The following TMOD2 variants were observed in gnomAD, a reference collection of about 807,000 sequenced individuals.
TMOD2 encodes tropomodulin 2, also known as tropomodulin-2.
Under a neutral mutation model 39.9 loss-of-function variants are expected in TMOD2, and 22 were observed. The ratio of observed to expected loss-of-function variants is 0.55; its 90% confidence interval spans 0.39 to 0.79. The LOEUF (loss-of-function observed/expected upper bound fraction) is 0.79, where lower values mean the gene tolerates loss of function less well. TMOD2 is among the 30% of genes least tolerant of loss of function. The probability of loss-of-function intolerance (pLI) is 0.00; values close to 1 mark genes in which losing one functional copy is unlikely to be tolerated. For missense variants in TMOD2, 386 were observed against 413.3 expected, an observed-to-expected ratio of 0.93 and a Z score of 0.57; for synonymous variants, 123 against 146.1, an observed-to-expected ratio of 0.84 and a Z score of 1.14.
chr15:51,757,725 A>G (rs2055752280), intron 1 of TMOD2, among the ~76,000 whole-genome samples: 1 of 152,204 alleles, frequency 6.6e-6, no homozygotes, highest in East Asian at 1.9e-4. Flanking sequence ...AACAGGACGG[A>G]AGACAAATGG....
At chr15:51,769,814 C>T (rs1347530145) in intron 3 of TMOD2, among the ~76,000 whole-genome samples, 1 of 152,122 alleles carries the variant, frequency 6.6e-6, no homozygotes, top group Non-Finnish European at 1.5e-5. Flanking sequence ...GCAGGAGGAT[C>T]ACTTGAGCCA....
intron 8 of TMOD2, among the ~76,000 whole-genome samples, chr15:51,800,166 C>T (rs1359705028): frequency 6.6e-6 from 1 of 152,220 alleles, no homozygotes; most frequent in African/African-American, 2.4e-5. Context: ...AACCTGGCAA[C>T]TCTATGCCTA....
intron 8 of TMOD2, among the ~76,000 whole-genome samples, chr15:51,800,841 G>A (rs1170576953): frequency 1.3e-5 from 2 of 152,102 alleles, no homozygotes; most frequent in Non-Finnish European, 2.9e-5. Context: ...GAGTAACTGG[G>A]ACTACAGGCA....
rs1332501660 is a variant in TMOD2, at chr15:51,786,623, C to T, written c.732+3795C>T. Among the ~76,000 whole-genome samples, 3 of 152,250 alleles carry T rather than the reference C, an allele frequency of 2.0e-5. No homozygotes were observed. In the East Asian group the frequency reaches 5.8e-4, roughly 29 times the overall value. The stretch of plus-strand genomic sequence containing the variant: ...TGAACTAAGATTACACCGCATGTGG[C>T]CAAGCCAGGATGCAAATGTAAGTCA... On this transcript the variant is annotated intron_variant, in intron 7 of 9. Coordinates refer to ENST00000249700, the MANE Select transcript of TMOD2 (RefSeq NM_014548.4).
In TMOD2 at chr15:51,809,032, A is replaced by G. The variant is rs1345231752; in HGVS notation, c.*578A>G. ...ATTGGAGATCAGTAGTGTCATCTTC[A>G]TAAAGCAAGACAACATTATGACACT... On this transcript the variant is annotated 3_prime_UTR_variant, in exon 10 of 10. Coordinates refer to ENST00000249700, the MANE Select transcript of TMOD2 (RefSeq NM_014548.4). 2.0e-5 allele frequency: 3 copies of G among 152,590 alleles called. No individual in the cohort carries two copies. The highest frequency in any genetic ancestry group is 4.4e-5 in the Non-Finnish European group (3 of 68,062). 9.5% of individuals were successfully genotyped at this position (152,590 alleles called of 1,614,324 possible). A position where few individuals can be genotyped will look rare whatever the true frequency, so the allele number is the denominator to read the frequency against.
intron 7 of TMOD2, among the ~76,000 whole-genome samples, chr15:51,797,894 AC>A (rs992555524): frequency 2.6e-4 from 40 of 151,216 alleles, no homozygotes; most frequent in African/African-American, 6.8e-4. Context: ...AAAAAAAAAA[AC>A]AGTAGTGGTT....
rs1240640104 is a variant in TMOD2, at chr15:51,776,827, C to G, written c.407-105C>G. 3 of 915,716 alleles carry G rather than the reference C, an allele frequency of 3.3e-6. No individual in the cohort carries two copies. The East Asian group carries it at 7.5e-5, about 23-fold the overall frequency. The allele number at this position is 915,716 out of a possible 1,614,324, so 56.7% of individuals were successfully genotyped here. A position where few individuals can be genotyped will look rare whatever the true frequency, so the allele number is the denominator to read the frequency against. On this transcript the variant is annotated intron_variant, in intron 4 of 9. Coordinates refer to ENST00000249700, the MANE Select transcript of TMOD2 (RefSeq NM_014548.4). ...TGTGCAAGGAAAGAGGACTCAGGGA[C>G]TTATCTTTATGATGTAAAGAATTGT... is the stretch of plus-strand genomic sequence containing the variant.
At chr15:51,757,891 C>T (rs912162134) in intron 1 of TMOD2, among the ~76,000 whole-genome samples, 3 of 152,160 alleles carry the variant, frequency 2.0e-5, no homozygotes, top group South Asian at 2.1e-4. Flanking sequence ...GTAGCGAGAC[C>T]CTGTCTCTAC....
intron 5 of TMOD2, among the ~76,000 whole-genome samples, chr15:51,778,988 G>T (rs1355124838): frequency 6.6e-6 from 1 of 152,062 alleles, no homozygotes; most frequent in East Asian, 1.9e-4. Flanking sequence ...ATAGAGGCTT[G>T]CTCTGTTGCC....
chr15:51,777,594 T>C (rs1442896689), intron 5 of TMOD2, among the ~76,000 whole-genome samples: 3 of 152,204 alleles, frequency 2.0e-5, no homozygotes, highest in Admixed American at 6.5e-5. Flanking sequence ...TAGACTTTTT[T>C]ATTCATTCAT....
chr15:51,801,235 T>TCACACACA (rs745892590), intron 8 of TMOD2, among the ~76,000 whole-genome samples: 1,274 of 108,802 alleles, frequency 0.012, 20 homozygotes, highest in African/African-American at 0.038. Context: ...TCTCTCTCTC[T>TCACACACA]CTCACACACA....
chr15:51,801,484 A>C (rs1371297880), intron 8 of TMOD2, among the ~76,000 whole-genome samples: 1 of 152,158 alleles, frequency 6.6e-6, no homozygotes, highest in African/African-American at 2.4e-5. Context: ...GAAATAAAAT[A>C]ATCTGTAAGA....
chr15:51,791,282 T>C (rs1166732841), intron 7 of TMOD2, among the ~76,000 whole-genome samples: 7 of 152,006 alleles, frequency 4.6e-5, no homozygotes, highest in Admixed American at 2.6e-4. Context: ...TACCTAGGAA[T>C]AGAACTTACA....
Position 51,806,585 on chromosome 15 carries a change from C to T in TMOD2, c.1021+64C>T. 5 of 1,575,916 alleles carry T rather than the reference C, an allele frequency of 3.2e-6. No homozygotes were observed. In the Middle Eastern group the frequency reaches 5.0e-4, roughly 159 times the overall value. On this transcript the variant is annotated intron_variant, in intron 9 of 9. Coordinates refer to ENST00000249700, the MANE Select transcript of TMOD2 (RefSeq NM_014548.4). ...AGCATGAGCATTCACTTCTCCACTT[C>T]AGACGCAGCATCTCACAGATACCAT...
At chr15:51,776,396 A>G (rs1319990762) in intron 4 of TMOD2, among the ~76,000 whole-genome samples, 1 of 152,178 alleles carries the variant, frequency 6.6e-6, no homozygotes, top group Non-Finnish European at 1.5e-5. Context: ...GTAATACAGG[A>G]AGCCGAAAAT....
At chr15:51,786,684 C>G (rs568199849) in intron 7 of TMOD2, among the ~76,000 whole-genome samples, 1 of 152,324 alleles carries the variant, frequency 6.6e-6, no homozygotes, top group Admixed American at 6.5e-5. Context: ...GCCCCAAGCA[C>G]TTTCATATAA....
intron 3 of TMOD2, among the ~76,000 whole-genome samples, chr15:51,771,111 A>G (rs548231688): frequency 2.4e-4 from 37 of 152,328 alleles, no homozygotes; most frequent in African/African-American, 8.9e-4. Context: ...GGAACGTAGG[A>G]GCTGTCTGAG....
intron 4 of TMOD2, 99 bp downstream of exon 4, chr15:51,773,933 A>G: frequency 7.4e-7 from 1 of 1,357,542 alleles, no homozygotes; most frequent in Non-Finnish European, 1.0e-6. Context: ...CTTAGGTAGG[A>G]GAATGACAGG....
chr15:51,794,510 T>C (rs982230022), intron 7 of TMOD2, among the ~76,000 whole-genome samples: 4 of 151,952 alleles, frequency 2.6e-5, no homozygotes, highest in African/African-American at 9.7e-5. Context: ...AAGCCAGGAG[T>C]TCGAGACCAG....
Sources: allele counts gnomAD v4.1 joint callset (sites outside exome capture counted in the v4.1 genomes callset), GRCh38; gene constraint gnomAD v4.1.1; transcripts MANE v1.5; gene names NCBI Gene and HGNC (gene_info 2026-07-23, HGNC 2026-07-21).